The following BAIAP2 variants were observed in gnomAD, a reference collection of about 807,000 sequenced individuals.
BAIAP2 encodes BAR/IMD domain containing adaptor protein 2, also known as BAR/IMD domain-containing adapter protein 2.
A neutral mutation model predicts 63.0 loss-of-function variants in BAIAP2; 18 were observed. The observed-to-expected ratio is 0.29, with a 90% confidence interval of 0.20 to 0.42. BAIAP2 has a LOEUF of 0.42. BAIAP2 is among the 10% of genes least tolerant of loss of function. The probability of loss-of-function intolerance (pLI) is 1.00; values close to 1 mark genes in which losing one functional copy is unlikely to be tolerated. For missense variants in BAIAP2, 610 were observed against 734.3 expected (o/e 0.83, Z 1.96); for synonymous variants, 386 against 307.6 (o/e 1.25, Z -2.67).
At chr17:81,115,484 C>CGCCCT (rs769859338) in intron 13 of BAIAP2, among the ~76,000 whole-genome samples, 49 of 145,846 alleles carry the variant, frequency 3.4e-4, no homozygotes, top group African/African-American at 7.8e-4. Context: ...CGCCCCACCC[C>CGCCCT]GCCCTGCCCT....
chr17:81,091,674 T>A (rs1190257473), intron 6 of BAIAP2, among the ~76,000 whole-genome samples: 4 of 152,322 alleles, frequency 2.6e-5, no homozygotes, highest in African/African-American at 9.6e-5. Context: ...GGCTGCTTTC[T>A]TGAGCGGGCA....
At chr17:81,045,203 G>A (rs2047636452) in intron 1 of BAIAP2, among the ~76,000 whole-genome samples, 1 of 152,220 alleles carries the variant, frequency 6.6e-6, no homozygotes, top group Non-Finnish European at 1.5e-5. Flanking sequence ...GGGCCCCTGA[G>A]AGTTGAGGAC....
chr17:81,105,977 C>T, intron 10 of BAIAP2, 101 bp from the exon 11 acceptor site: 1 of 1,023,900 alleles, frequency 9.8e-7, no homozygotes. Context: ...AGCCGCGCAG[C>T]CATGCTGGGG....
At chr17:81,109,253 C>T (rs2059582731) in intron 13 of BAIAP2, 7 of 1,353,022 alleles carry the variant, frequency 5.2e-6, no homozygotes, top group Non-Finnish European at 6.6e-6. Flanking sequence ...AACTGCCAGG[C>T]AGGACCTGCT....
At chr17:81,103,120 G>C (rs569779616) in intron 7 of BAIAP2, among the ~76,000 whole-genome samples, 1 of 152,326 alleles carries the variant, frequency 6.6e-6, no homozygotes, top group Non-Finnish European at 1.5e-5. Flanking sequence ...CCACTGGGCA[G>C]CACCACCCCC....
chr17:81,065,609 C>T (rs1242424143), intron 3 of BAIAP2, among the ~76,000 whole-genome samples: 1 of 152,222 alleles, frequency 6.6e-6, no homozygotes, highest in Admixed American at 6.5e-5. Context: ...GCACACCCCT[C>T]CACCCCCTTG....
intron 1 of BAIAP2, among the ~76,000 whole-genome samples, chr17:81,035,608 G>A (rs2046122709): frequency 1.3e-5 from 2 of 150,472 alleles, no homozygotes; most frequent in South Asian, 4.1e-4. Context: ...GCCCTGCTCG[G>A]CCCCCGCGCG....
At chr17:81,045,099 G>A (rs183312902) in intron 1 of BAIAP2, among the ~76,000 whole-genome samples, 5 of 152,186 alleles carry the variant, frequency 3.3e-5, no homozygotes, top group African/African-American at 4.8e-5. Context: ...TGCGTGGGCC[G>A]GGTCATGGTG....
At chr17:81,109,388 AAAAAAAAG>A (rs2059613933) in intron 13 of BAIAP2, 4 of 902,370 alleles carry the variant, frequency 4.4e-6, no homozygotes, top group South Asian at 5.4e-5. Context: ...AAAAAAAAAA[AAAAAAAAG>A]AAAAAAAGAA....
At chr17:81,107,247 G>T in intron 12 of BAIAP2, 1 of 273,742 alleles carries the variant, frequency 3.7e-6, no homozygotes. Flanking sequence ...GGGCCTGGAC[G>T]CCGCCGCCTT....
chr17:81,106,826 C>A lies in BAIAP2; in HGVS notation c.1419C>A (p.Ala473=), dbSNP rs774825077. ...CCATCCCACCCCCCGATTACGGCGCCGCCTCCCGGGCCTTCCCCGCCCAGA... is the reference window on the plus strand; with the variant it reads ...CCATCCCACCCCCCGATTACGGCGCAGCCTCCCGGGCCTTCCCCGCCCAGA... ...DLAIPPPDYG[A]ASRAFPAQTA... Residue 473 remains alanine (A), a synonymous_variant, in exon 12 of 14, where the codon GCC becomes GCA. Transcript: ENST00000428708. The A allele has an allele frequency of 1.6e-5, 26 of 1,611,726 alleles. No homozygotes were observed. The highest frequency in any genetic ancestry group is 2.2e-5 in the East Asian group (1 of 44,888).
intron 3 of BAIAP2, among the ~76,000 whole-genome samples, chr17:81,072,624 C>T (rs1302237505): frequency 6.6e-6 from 1 of 152,208 alleles, no homozygotes; most frequent in African/African-American, 2.4e-5. Flanking sequence ...CAGGTGCTGA[C>T]CCAAGTCCGT....
At chr17:81,088,405 T>C (rs2056100465) in intron 6 of BAIAP2, among the ~76,000 whole-genome samples, 1 of 152,214 alleles carries the variant, frequency 6.6e-6, no homozygotes, top group Non-Finnish European at 1.5e-5. Flanking sequence ...ATAATTCACA[T>C]CACCAGCAGT....
In BAIAP2 at chr17:81,115,489, T is replaced by TGCCCA. The variant is rs1555686457; in HGVS notation, c.1536-277_1536-276insAGCCC. On this transcript the variant is annotated intron_variant, in intron 13 of 13. Transcript: ENST00000428708. ...TGGCCTGCCCCGCCCCACCCCGCCC[T>TGCCCA]GCCCTGCCCAGCCCACACTGCTGGG... is the stretch of plus-strand genomic sequence containing the variant. Among the ~76,000 whole-genome samples, 549 of 149,736 alleles carry TGCCCA rather than the reference T, an allele frequency of 3.7e-3. 3 individuals are homozygous for TGCCCA. Among genetic ancestry groups the TGCCCA allele is most frequent in the African/African-American group, 0.013 (523 of 39,642 alleles).
intron 2 of BAIAP2, among the ~76,000 whole-genome samples, chr17:81,056,770 G>A (rs542782616): frequency 6.6e-6 from 1 of 152,342 alleles, no homozygotes; most frequent in Non-Finnish European, 1.5e-5. Context: ...CACCTTAGCC[G>A]CAGCCAGCCG....
chr17:81,035,215 TC>T lies in BAIAP2; in HGVS notation c.-35del. 6.9e-7 allele frequency: 1 copy of T among 1,453,990 alleles called. No homozygotes were observed. The highest frequency in any genetic ancestry group is 9.2e-7 in the Non-Finnish European group (1 of 1,092,028). 90.1% of individuals were successfully genotyped at this position (1,453,990 alleles called of 1,614,324 possible). On this transcript the variant is annotated 5_prime_UTR_variant, in exon 1 of 14. Coordinates refer to ENST00000428708, the MANE Select transcript of BAIAP2 (RefSeq NM_001144888.2). Reference sequence around the variant, plus strand: ...ACCGCCGCTGCTGCCGCCGCTTGCGTCCCCCGCTCCGGTCTGTGGTGCAGCC... The same window carrying T: ...ACCGCCGCTGCTGCCGCCGCTTGCGTCCCCGCTCCGGTCTGTGGTGCAGCC...
intron 3 of BAIAP2, among the ~76,000 whole-genome samples, chr17:81,065,344 C>T (rs1237796221): frequency 6.6e-6 from 1 of 152,218 alleles, no homozygotes; most frequent in Non-Finnish European, 1.5e-5. Flanking sequence ...AGCTGAGAGC[C>T]TCAGGAATCT....
At chr17:81,043,759 C>T (rs767391543) in intron 1 of BAIAP2, among the ~76,000 whole-genome samples, 5 of 152,204 alleles carry the variant, frequency 3.3e-5, no homozygotes, top group African/African-American at 9.7e-5. Context: ...AGTGTGTCCC[C>T]GCCCGTAAGC....
chr17:81,057,822 C>A, intron 2 of BAIAP2, 59 bp from the exon 3 acceptor site: 1 of 1,564,732 alleles, frequency 6.4e-7, no homozygotes, highest in Non-Finnish European at 8.7e-7. Context: ...CGTGTTTTTG[C>A]TGGGGGTCTT....
Sources: gnomAD v4.1 joint callset for allele counts (sites outside exome capture counted in the v4.1 genomes callset) on GRCh38, gnomAD v4.1.1 for gene constraint, MANE v1.5 for transcripts, NCBI Gene and HGNC (gene_info 2026-07-23, HGNC 2026-07-21) for gene names.